DNAJC13: variants seen among roughly 807,000 people sequenced by gnomAD.
DNAJC13 encodes the protein dnaJ homolog subfamily C member 13.
In DNAJC13, 75 loss-of-function variants were observed where a neutral mutation model predicts 290.5. The ratio of observed to expected loss-of-function variants is 0.26; its 90% confidence interval spans 0.21 to 0.31. DNAJC13 has a LOEUF of 0.31. Ranked by LOEUF, DNAJC13 falls within the 10% of genes least tolerant of loss-of-function variation. DNAJC13 has a pLI of 1.00. For missense variants in DNAJC13, 2,260 were observed against 2,674.5 expected (o/e 0.85, Z 3.42); for synonymous variants, 862 against 892.0 (o/e 0.97, Z 0.60).
At chr3:132,500,649 A>T in intron 38 of DNAJC13, 145 bp from the exon 39 acceptor site, 1 of 1,122,204 alleles carries the variant, frequency 8.9e-7, no homozygotes, top group Non-Finnish European at 1.3e-6. Flanking sequence ...CTAGTGATCT[A>T]GTAAAGACAT....
intron 2 of DNAJC13, 38 bp downstream of exon 2, chr3:132,434,656 A>G (rs1939333106): frequency 2.0e-6 from 3 of 1,520,950 alleles, no homozygotes; most frequent in East Asian, 2.3e-5. Context: ...CTGTGCTTCT[A>G]TAAAATATTT....
rs746918361 is a variant in DNAJC13, at chr3:132,460,239, T to A, written c.1450-11T>A. 3.8e-6 allele frequency: 6 copies of A among 1,560,596 alleles called. No individual in the cohort carries two copies. In the South Asian group the frequency reaches 7.1e-5, roughly 18 times the overall value. On this transcript the variant is annotated splice_polypyrimidine_tract_variant and intron_variant, in intron 13 of 55. Transcript: ENST00000260818. Reference sequence around the variant, plus strand: ...TATGAATTATCACTGTTTTTTTTTTTTCATCAATAGCCCATGCATGATGAC... The same window carrying A: ...TATGAATTATCACTGTTTTTTTTTTATCATCAATAGCCCATGCATGATGAC...
At chr3:132,463,581 C>T (rs1044718835) in intron 16 of DNAJC13, 115 bp from the exon 17 acceptor site, 1 of 1,239,184 alleles carries the variant, frequency 8.1e-7, no homozygotes. Context: ...ATTTTAAAAA[C>T]TTCTATTACA....
At chr3:132,499,684 C>A in intron 37 of DNAJC13, 50 bp from the exon 38 acceptor site, 1 of 1,545,236 alleles carries the variant, frequency 6.5e-7, no homozygotes, top group South Asian at 1.1e-5. Flanking sequence ...AAAGGCCTTT[C>A]AGACTTGAAG....
chr3:132,480,845 G>A (rs1414907470), intron 26 of DNAJC13, among the ~76,000 whole-genome samples: 1 of 152,162 alleles, frequency 6.6e-6, no homozygotes, highest in Non-Finnish European at 1.5e-5. Context: ...CCAGCCAAGA[G>A]GACTGATACT....
At chr3:132,449,224 C>G (rs1576466008) in intron 5 of DNAJC13, among the ~76,000 whole-genome samples, 2 of 152,210 alleles carry the variant, frequency 1.3e-5, no homozygotes, top group Admixed American at 1.3e-4. Context: ...GCTCTAAGAC[C>G]TCCATTTGCC....
chr3:132,439,077 A>G (rs564533759), intron 2 of DNAJC13, among the ~76,000 whole-genome samples: 1 of 152,370 alleles, frequency 6.6e-6, no homozygotes, highest in African/African-American at 2.4e-5. Context: ...ATAAAAATTT[A>G]TAAGTAAAAT....
At chr3:132,501,474 C>T (rs1235755686) in intron 39 of DNAJC13, among the ~76,000 whole-genome samples, 1 of 151,884 alleles carries the variant, frequency 6.6e-6, no homozygotes, top group African/African-American at 2.4e-5. Flanking sequence ...ATGCTGACAC[C>T]CTATGTTTCT....
chr3:132,531,941 CTA>C (rs1317578870), intron 55 of DNAJC13, among the ~76,000 whole-genome samples: 1 of 152,172 alleles, frequency 6.6e-6, no homozygotes, highest in Admixed American at 6.5e-5. Context: ...TCAAAAGATA[CTA>C]TGTTTAAAAC....
Position 132,467,153 on chromosome 3 carries a change from C to A in DNAJC13, c.2065-17C>A, listed in dbSNP as rs764537202. 1 of 1,604,476 alleles carries A rather than the reference C, an allele frequency of 6.2e-7. No individual in the cohort carries two copies. Among genetic ancestry groups the A allele is most frequent in the East Asian group, 2.2e-5 (1 of 44,694 alleles). ...TTTGCAAACAGGCATGTAATGGATTCCAACATTATTTTACAGGATCAGTAT... is the reference window on the plus strand; with the variant it reads ...TTTGCAAACAGGCATGTAATGGATTACAACATTATTTTACAGGATCAGTAT... On this transcript the variant is annotated splice_polypyrimidine_tract_variant and intron_variant, in intron 19 of 55. Coordinates refer to ENST00000260818, the MANE Select transcript of DNAJC13 (RefSeq NM_015268.4).
intron 53 of DNAJC13, 55 bp from the exon 54 acceptor site, chr3:132,528,134 A>C (rs532802948): frequency 1.7e-5 from 27 of 1,598,332 alleles, no homozygotes. Context: ...TTATTTCTTC[A>C]GTGGATGATT....
Position 132,471,354 on chromosome 3 carries a change from C to A in DNAJC13, c.2209-1791C>A, listed in dbSNP as rs577942373. On this transcript the variant is annotated intron_variant, in intron 20 of 55. Coordinates refer to ENST00000260818, the MANE Select transcript of DNAJC13 (RefSeq NM_015268.4). ...GCCGGGCGGGGGGTTGACCCCCCCC[C>A]ACCTCCCTCCCGGACGGGGTGGCTG... Among the ~76,000 whole-genome samples, 148 of 144,966 alleles carry A rather than the reference C, an allele frequency of 1.0e-3. 9 individuals carry two copies. Among genetic ancestry groups the A allele is most frequent in the Admixed American group, 3.8e-3 (56 of 14,654 alleles).
intron 1 of DNAJC13, among the ~76,000 whole-genome samples, chr3:132,418,675 AGG>A (rs373026393): frequency 5.0e-4 from 76 of 152,292 alleles, no homozygotes; most frequent in African/African-American, 1.7e-3. Context: ...TCCTCTATGA[AGG>A]GCTTTATAGT....
At chr3:132,503,503 C>T (rs1292285086) in intron 41 of DNAJC13, 122 bp downstream of exon 41, 2 of 1,185,244 alleles carry the variant, frequency 1.7e-6, no homozygotes, top group East Asian at 4.8e-5. Flanking sequence ...TGTTTGTTCT[C>T]TCAAGCAAGA....
Position 132,446,211 on chromosome 3 carries a change from T to A in DNAJC13, c.69-264T>A, listed in dbSNP as rs1979847. ...TTTGCCAACTTAATTTATACTAACA[T>A]CACACAAGATTGCTTGCATATAAAT... On this transcript the variant is annotated intron_variant, in intron 2 of 55. Transcript: ENST00000260818. Among the ~76,000 whole-genome samples, 75,983 of 151,600 alleles carry A rather than the reference T, an allele frequency of 0.5. 20,230 individuals carry two copies. Among genetic ancestry groups the A allele is most frequent in the East Asian group, 0.83 (4,322 of 5,178 alleles).
chr3:132,434,647 T>A (rs1365842104), intron 2 of DNAJC13, 29 bp downstream of exon 2: 1 of 1,533,836 alleles, frequency 6.5e-7, no homozygotes, highest in Non-Finnish European at 8.9e-7. Context: ...TTTTTTTTTC[T>A]GTGCTTCTAT....
intron 20 of DNAJC13, among the ~76,000 whole-genome samples, chr3:132,469,998 A>ATTTTTTTTTTTTTT: frequency 1.9e-5 from 1 of 52,218 alleles, no homozygotes; most frequent in Non-Finnish European, 3.8e-5. Context: ...TTTTTAATTT[A>ATTTTTTTTTTTTTT]TTTTTTTATT....
At chr3:132,525,058 A>C (rs1936208819) in intron 51 of DNAJC13, among the ~76,000 whole-genome samples, 1 of 152,152 alleles carries the variant, frequency 6.6e-6, no homozygotes, top group Non-Finnish European at 1.5e-5. Flanking sequence ...CCTGCAATAG[A>C]GGCTGGGCGC....
intron 11 of DNAJC13, 22 bp from the exon 12 acceptor site, chr3:132,456,641 G>C: frequency 6.2e-7 from 1 of 1,611,500 alleles, no homozygotes; most frequent in Non-Finnish European, 8.5e-7. Flanking sequence ...AAACTTTTTT[G>C]AAATACTCTT....
Sources: gnomAD v4.1 joint callset for allele counts (sites outside exome capture counted in the v4.1 genomes callset) on GRCh38, gnomAD v4.1.1 for gene constraint, MANE v1.5 for transcripts, NCBI Gene and HGNC (gene_info 2026-07-23, HGNC 2026-07-21) for gene names.